FAM83G: variants seen among roughly 807,000 people sequenced by gnomAD.
The protein encoded by FAM83G is scaffolding CK1 anchoring protein G.
A neutral mutation model predicts 61.5 loss-of-function variants in FAM83G; 38 were observed. That is an observed-to-expected ratio of 0.62 (90% CI 0.48 to 0.81). The LOEUF (loss-of-function observed/expected upper bound fraction) is 0.81, where lower values mean the gene tolerates loss of function less well. Among genes scored for constraint, FAM83G ranks in the 30% least tolerant of loss-of-function variants. The pLI is 0.00. For synonymous variants in FAM83G, 470 were observed against 476.1 expected (o/e 0.99, Z 0.17); for missense variants, 989 against 1,133.6 (o/e 0.87, Z 1.83).
intron 4 of FAM83G, chr17:18,979,116 A>C: frequency 1.8e-6 from 1 of 556,142 alleles, no homozygotes; most frequent in Non-Finnish European, 3.2e-6. Flanking sequence ...TAAGCAGCTC[A>C]GGAAGGCCCT....
Position 19,000,490 on chromosome 17 carries a change from T to G in FAM83G, c.522+3030A>C, listed in dbSNP as rs1049090028. On this transcript the variant is annotated intron_variant, in intron 2 of 5. Coordinates refer to ENST00000388995, the MANE Select transcript of FAM83G (RefSeq NM_001039999.3). The surrounding 1 kb of genome is among the most constrained non-coding windows in gnomAD (Gnocchi z 5.2). ...TGTCCACTAGTTCCATTCTAGTCAT[T>G]TGGGAACAGGGGGGACTGACAGCAG... Among the ~76,000 whole-genome samples, 2 of 152,116 alleles carry G rather than the reference T, an allele frequency of 1.3e-5. No individual in the cohort carries two copies. Among genetic ancestry groups the G allele is most frequent in the African/African-American group, 4.8e-5 (2 of 41,406 alleles).
In FAM83G at chr17:19,000,661, C is replaced by T. The variant is rs1461358338; in HGVS notation, c.522+2859G>A. 6.6e-6 allele frequency among the ~76,000 whole-genome samples: 1 copy of T among 152,162 alleles called. No individual in the cohort carries two copies. The highest frequency in any genetic ancestry group is 2.4e-5 in the African/African-American group (1 of 41,448). On this transcript the variant is annotated intron_variant, in intron 2 of 5. Coordinates refer to ENST00000388995, the MANE Select transcript of FAM83G (RefSeq NM_001039999.3). This position sits in a 1 kb window ranked among gnomAD's most constrained non-coding sequence, Gnocchi z 5.2. ...CAGCCCCAGCAGCCCCAGCCTAAAG[C>T]CCCCGGTGGGAAGGGGCCAGTGTGC...
chr17:18,982,708 G>A (rs2043170275), intron 3 of FAM83G, among the ~76,000 whole-genome samples: 1 of 152,188 alleles, frequency 6.6e-6, no homozygotes, highest in African/African-American at 2.4e-5. Flanking sequence ...CAGGCCACAT[G>A]TGCTTAAAGG....
chr17:19,000,442 G>A lies in FAM83G; in HGVS notation c.522+3078C>T, dbSNP rs1044993334. On this transcript the variant is annotated intron_variant, in intron 2 of 5. Transcript: ENST00000388995. This position sits in a 1 kb window ranked among gnomAD's most constrained non-coding sequence, Gnocchi z 5.2. ...CCACAGTCAGGCAGAGGCAGAGCAC[G>A]GACTCTTGGCTCCTGGTCCTGCTGT... Among the ~76,000 whole-genome samples the A allele has an allele frequency of 1.1e-4, 17 of 152,280 alleles. 2 individuals carry two copies. Among genetic ancestry groups the A allele is most frequent in the Admixed American group, 7.8e-4 (12 of 15,296 alleles).
At chr17:18,980,090 G>C (rs2043091845) in intron 3 of FAM83G, among the ~76,000 whole-genome samples, 1 of 152,098 alleles carries the variant, frequency 6.6e-6, no homozygotes, top group Non-Finnish European at 1.5e-5. Flanking sequence ...ATGGCTAGGG[G>C]GTGATGCAGC....
Position 19,003,300 on chromosome 17 carries a change from A to G in FAM83G, c.522+220T>C, listed in dbSNP as rs2043779145. On this transcript the variant is annotated intron_variant, in intron 2 of 5. Coordinates refer to ENST00000388995, the MANE Select transcript of FAM83G (RefSeq NM_001039999.3). This position sits in a 1 kb window ranked among gnomAD's most constrained non-coding sequence, Gnocchi z 4.5. ...GAGGCCCTTTGAGACGGGGCAGCCC[A>G]CTGTCACCTGCTAGGACCTGGGAAC... is the stretch of plus-strand genomic sequence containing the variant. 6.6e-6 allele frequency among the ~76,000 whole-genome samples: 1 copy of G among 151,788 alleles called. No homozygotes were observed. Among genetic ancestry groups the G allele is most frequent in the Admixed American group, 6.6e-5 (1 of 15,248 alleles).
At chr17:18,976,913 C>G in intron 5 of FAM83G, 1 of 1,613,714 alleles carries the variant, frequency 6.2e-7, no homozygotes, top group Admixed American at 1.7e-5. Flanking sequence ...CGGGCTCCAT[C>G]CTGGCCAGCT....
In FAM83G at chr17:19,004,070, G is replaced by A. The variant is rs748721608; in HGVS notation, c.-29C>T. On this transcript the variant is annotated 5_prime_UTR_variant, in exon 2 of 6. Coordinates refer to ENST00000388995, the MANE Select transcript of FAM83G (RefSeq NM_001039999.3). The surrounding 1 kb of genome is among the most constrained non-coding windows in gnomAD (Gnocchi z 5.4). ...GCCGCCTGCCCGGGCACTGCTGCCGGGGGTGGGTGGGCAAGGTCCAGCTCC... is the reference window on the plus strand; with the variant it reads ...GCCGCCTGCCCGGGCACTGCTGCCGAGGGTGGGTGGGCAAGGTCCAGCTCC... 1.3e-6 allele frequency: 2 copies of A among 1,554,388 alleles called. No homozygotes were observed. Among genetic ancestry groups the A allele is most frequent in the African/African-American group, 2.7e-5 (2 of 73,282 alleles).
rs2042801380 is a variant in FAM83G, at chr17:18,969,982, G to A, written c.*1377C>T. ...GGAAGTATGTAAGCAGAGCCAGGAG[G>A]ATCCCTCAGAGAGTGAACAAATCTC... is the stretch of plus-strand genomic sequence containing the variant. On this transcript the variant is annotated 3_prime_UTR_variant, in exon 6 of 6. Transcript: ENST00000388995. 6.6e-6 allele frequency: 1 copy of A among 152,632 alleles called. No individual in the cohort carries two copies. Among genetic ancestry groups the A allele is most frequent in the South Asian group, 2.1e-4 (1 of 4,834 alleles). 9.5% of individuals were successfully genotyped at this position (152,632 alleles called of 1,614,324 possible). A position where few individuals can be genotyped will look rare whatever the true frequency, so the allele number is the denominator to read the frequency against.
chr17:18,981,402 G>A (rs2043128875), intron 3 of FAM83G, among the ~76,000 whole-genome samples: 1 of 152,214 alleles, frequency 6.6e-6, no homozygotes, highest in East Asian at 1.9e-4. Flanking sequence ...AAGAGCCTGA[G>A]CTTGGCCCTG....
rs753405420 is a variant in FAM83G, at chr17:18,977,824, A to C, written c.1842T>G (p.Ser614=). ...PGPRRPSVAS[S]VSEEYFEVRE... is the part of the protein sequence containing the mutation. Reference sequence around the variant, plus strand: ...TCACCTCGAAGTACTCCTCTGACACAGAGGAAGCCACTGAGGGCCGTCGGG... The same window carrying C: ...TCACCTCGAAGTACTCCTCTGACACCGAGGAAGCCACTGAGGGCCGTCGGG... Residue 614 remains serine, a synonymous_variant, in exon 5 of 6, where the codon TCT becomes TCG. Transcript: ENST00000388995. The C allele has an allele frequency of 1.9e-6, 3 of 1,609,008 alleles. No individual in the cohort carries two copies. The highest frequency in any genetic ancestry group is 2.5e-6 in the Non-Finnish European group (3 of 1,178,062).
intron 2 of FAM83G, among the ~76,000 whole-genome samples, chr17:18,988,825 C>A (rs752994877): frequency 3.3e-5 from 5 of 152,236 alleles, no homozygotes; most frequent in Non-Finnish European, 5.9e-5. Flanking sequence ...CAGATCTCTT[C>A]CTGTCAGCTG....
chr17:18,977,003 C>T (rs753603133), intron 5 of FAM83G: 65 of 1,610,234 alleles, frequency 4.0e-5, no homozygotes, highest in Non-Finnish European at 5.1e-5. Context: ...GGACGGGCTC[C>T]GGGCACTGAA....
chr17:18,971,021 C>T lies in FAM83G; in HGVS notation c.*338G>A, dbSNP rs200287025. On this transcript the variant is annotated 3_prime_UTR_variant, in exon 6 of 6. Transcript: ENST00000388995. This position sits in a 1 kb window ranked among gnomAD's most constrained non-coding sequence, Gnocchi z 5.5. ...CACCCTGACCCCTCCAGCTTTTGAC[C>T]AGATCGGTGGTTACGGGCAGCTGGA... 392 of 1,613,930 alleles carry T rather than the reference C, an allele frequency of 2.4e-4. 1 individual carries two copies. The highest frequency in any genetic ancestry group is 3.2e-4 in the Non-Finnish European group (382 of 1,180,014).
chr17:18,986,266 A>T (rs1207098908), intron 3 of FAM83G: 1 of 152,276 alleles, frequency 6.6e-6, no homozygotes, highest in Non-Finnish European at 1.5e-5. Context: ...TGGGAGTGCT[A>T]GAAGATTGGT....
intron 2 of FAM83G, among the ~76,000 whole-genome samples, chr17:18,998,678 T>C (rs1242595838): frequency 6.6e-6 from 1 of 152,178 alleles, no homozygotes; most frequent in Non-Finnish European, 1.5e-5. Context: ...TCGAAACTCT[T>C]AATTAAGGGA....
intron 3 of FAM83G, among the ~76,000 whole-genome samples, chr17:18,984,499 C>A (rs1433485219): frequency 6.6e-6 from 1 of 152,248 alleles, no homozygotes; most frequent in Non-Finnish European, 1.5e-5. Flanking sequence ...GCCTGAGCGG[C>A]AGCGATCCTC....
chr17:19,001,265 G>A (rs1450736264), intron 2 of FAM83G, among the ~76,000 whole-genome samples: 4 of 152,204 alleles, frequency 2.6e-5, no homozygotes, highest in Non-Finnish European at 5.9e-5. Flanking sequence ...GAAAGCAGGG[G>A]CTTGGCTCAC....
chr17:18,994,305 C>T (rs1441944286), intron 2 of FAM83G, among the ~76,000 whole-genome samples: 1 of 152,180 alleles, frequency 6.6e-6, no homozygotes, highest in African/African-American at 2.4e-5. Flanking sequence ...CCTAGGATCA[C>T]CCCACTATTT....
Sources: allele counts gnomAD v4.1 joint callset (sites outside exome capture counted in the v4.1 genomes callset), GRCh38; gene constraint gnomAD v4.1.1; non-coding constraint Gnocchi (gnomAD v3.1); transcripts MANE v1.5; gene names NCBI Gene and HGNC (gene_info 2026-07-23, HGNC 2026-07-21).